Variants in RGS8 observed in about 807,000 individuals in gnomAD.
The protein encoded by RGS8 is regulator of G-protein signaling 8.
A neutral mutation model predicts 21.7 loss-of-function variants in RGS8; 8 were observed. That is an observed-to-expected ratio of 0.37 (90% CI 0.22 to 0.66). RGS8 has a LOEUF of 0.66. Ranked by LOEUF, RGS8 falls within the 30% of genes least tolerant of loss-of-function variation. The probability of loss-of-function intolerance (pLI) is 0.59; values close to 1 mark genes in which losing one functional copy is unlikely to be tolerated. For synonymous variants in RGS8, 80 were observed against 83.6 expected (o/e 0.96, Z 0.24); for missense variants, 157 against 217.9 (o/e 0.72, Z 1.76).
the RGS8 span, among the ~76,000 whole-genome samples, chr1:182,718,012 T>C: frequency 6.6e-6 from 1 of 152,224 alleles, no homozygotes; most frequent in Non-Finnish European, 1.5e-5. Context: ...GAAAGGACTA[T>C]GAAAACTGTT....
At chr1:182,686,773 G>A (rs1002737933), upstream of RGS8, among the ~76,000 whole-genome samples, 1 of 152,198 alleles carries the variant, frequency 6.6e-6, no homozygotes, top group East Asian at 1.9e-4. Context: ...GAAAAGAGAT[G>A]AGGGGAGTAA....
chr1:182,656,842 A>C (rs1379358275), intron 5 of RGS8, among the ~76,000 whole-genome samples: 1 of 152,194 alleles, frequency 6.6e-6, no homozygotes, highest in East Asian at 1.9e-4. Context: ...CAGATCACAA[A>C]GGCTTGTGCA....
intron 4 of RGS8, among the ~76,000 whole-genome samples, chr1:182,666,655 G>GAAA (rs79757491): frequency 8.3e-6 from 1 of 119,774 alleles, no homozygotes; most frequent in Non-Finnish European, 1.8e-5. Context: ...GCTTACTTAG[G>GAAA]AAAAAAAAAA....
intron 5 of RGS8, among the ~76,000 whole-genome samples, chr1:182,650,412 A>G (rs3856117): frequency 0.074 from 11,259 of 152,302 alleles, 795 homozygotes; most frequent in African/African-American, 0.17. Context: ...TTCAAAATAC[A>G]TATTTTAATG....
the RGS8 span, among the ~76,000 whole-genome samples, chr1:182,690,691 G>A: frequency 2.0e-5 from 3 of 152,130 alleles, no homozygotes; most frequent in Non-Finnish European, 4.4e-5. Flanking sequence ...AAAATACCTC[G>A]TGATTTGATA....
the RGS8 span, among the ~76,000 whole-genome samples, chr1:182,716,012 G>A: frequency 1.8e-4 from 27 of 152,014 alleles, no homozygotes; most frequent in Middle Eastern, 3.4e-3. Flanking sequence ...AAATGGCATC[G>A]TATTTGCATA....
chr1:182,649,078 C>T (rs531817987), intron 5 of RGS8, among the ~76,000 whole-genome samples: 41 of 151,710 alleles, frequency 2.7e-4, no homozygotes, highest in African/African-American at 8.5e-4. Flanking sequence ...CCAGCCTGGG[C>T]GACAAGACCA....
the RGS8 span, among the ~76,000 whole-genome samples, chr1:182,707,113 G>A: frequency 6.6e-6 from 1 of 151,984 alleles, no homozygotes; most frequent in Non-Finnish European, 1.5e-5. Context: ...AGCCGAGATC[G>A]CACCACTGCA....
chr1:182,668,676 C>T (rs1300805762), intron 3 of RGS8, among the ~76,000 whole-genome samples: 1 of 152,240 alleles, frequency 6.6e-6, no homozygotes, highest in African/African-American at 2.4e-5. Flanking sequence ...CTGCTCCCAC[C>T]TTGAATCTCA....
the RGS8 span, among the ~76,000 whole-genome samples, chr1:182,721,883 C>A: frequency 9.9e-5 from 15 of 152,222 alleles, no homozygotes; most frequent in Non-Finnish European, 2.9e-5. Context: ...CATGTATATA[C>A]AATTCCTAGC....
the RGS8 span, among the ~76,000 whole-genome samples, chr1:182,751,520 A>T: frequency 6.6e-6 from 1 of 152,196 alleles, no homozygotes; most frequent in Admixed American, 6.5e-5. Context: ...GTGTGTGATT[A>T]AAAAGGGGTT....
intron 1 of RGS8, among the ~76,000 whole-genome samples, chr1:182,681,717 A>C (rs1313507786): frequency 6.6e-6 from 1 of 152,170 alleles, no homozygotes; most frequent in East Asian, 1.9e-4. Flanking sequence ...GGTGCACGTT[A>C]ATGTCTGAGC....
At chr1:182,730,024 T>A in the RGS8 span, among the ~76,000 whole-genome samples, 1 of 152,144 alleles carries the variant, frequency 6.6e-6, no homozygotes, top group African/African-American at 2.4e-5. Flanking sequence ...TTCAGGCATA[T>A]AAGGGTCAGG....
At chr1:182,645,592 C>T (rs761879995), downstream of RGS8, 1 of 152,214 alleles carries the variant, frequency 6.6e-6, no homozygotes, top group Non-Finnish European at 1.5e-5. Context: ...CTATTTCATG[C>T]TCAATTCCAA....
At chr1:182,721,008 C>CACATATATATGTGTAT in the RGS8 span, among the ~76,000 whole-genome samples, 1 of 90,308 alleles carries the variant, frequency 1.1e-5, no homozygotes, top group East Asian at 3.3e-4. Context: ...TGTATATATA[C>CACATATATATGTGTAT]ATATATACAC....
At chr1:182,698,981 G>A in the RGS8 span, among the ~76,000 whole-genome samples, 28 of 152,182 alleles carry the variant, frequency 1.8e-4, no homozygotes, top group Non-Finnish European at 3.5e-4. Flanking sequence ...CTTATTGTAT[G>A]CCTGAAAAAT....
upstream of RGS8, among the ~76,000 whole-genome samples, chr1:182,686,919 G>C (rs1283395935): frequency 6.6e-6 from 1 of 152,120 alleles, no homozygotes; most frequent in Non-Finnish European, 1.5e-5. Context: ...AAAGAGAGTA[G>C]GAGGACCAGA....
the RGS8 span, among the ~76,000 whole-genome samples, chr1:182,713,627 G>C: frequency 6.6e-6 from 1 of 152,082 alleles, no homozygotes; most frequent in Admixed American, 6.6e-5. Flanking sequence ...ACTGACCCCT[G>C]GACCACTTTC....
At chr1:182,707,992 T>C in the RGS8 span, among the ~76,000 whole-genome samples, 1 of 152,196 alleles carries the variant, frequency 6.6e-6, no homozygotes, top group Non-Finnish European at 1.5e-5. Flanking sequence ...AGGCATTAGA[T>C]GCTAAGCTTT....
Sources: gnomAD v4.1 joint callset for allele counts (sites outside exome capture counted in the v4.1 genomes callset) on GRCh38, gnomAD v4.1.1 for gene constraint, MANE v1.5 for transcripts, NCBI Gene and HGNC (gene_info 2026-07-23, HGNC 2026-07-21) for gene names.